The following SLC14A2 variants were observed in gnomAD, a reference collection of about 807,000 sequenced individuals.
The protein encoded by SLC14A2 is solute carrier family 14 member 2.
SLC14A2 carries 91 observed loss-of-function variants against 104.6 expected under a neutral mutation model. That is an observed-to-expected ratio of 0.87 (90% confidence interval 0.73 to 1.04). The LOEUF (loss-of-function observed/expected upper bound fraction) is 1.04. SLC14A2 is among the 50% of genes least tolerant of loss of function. The pLI, the probability that SLC14A2 is intolerant of heterozygous loss-of-function variation, is 0.00. For synonymous variants in SLC14A2, 476 were observed against 466.4 expected (o/e 1.02, Z -0.27); for missense variants, 1,189 against 1,156.0 (o/e 1.03, Z -0.41).
At chr18:45,677,067 GAC>G (rs1311521272) in intron 18 of SLC14A2, among the ~76,000 whole-genome samples, 2 of 152,090 alleles carry the variant, frequency 1.3e-5, no homozygotes, top group Non-Finnish European at 2.9e-5. Context: ...CATCACCTGA[GAC>G]AGACAGTTTT....
At chr18:45,284,897 C>T (rs1414477766) in intron 1 of SLC14A2, among the ~76,000 whole-genome samples, 5 of 152,012 alleles carry the variant, frequency 3.3e-5, no homozygotes, top group Admixed American at 6.5e-5. Flanking sequence ...GAGGCTAGCC[C>T]AGGAAAGACT....
chr18:45,542,419 T>A, intron 2 of SLC14A2: 1 of 152,022 alleles, frequency 6.6e-6, no homozygotes, highest in Non-Finnish European at 1.5e-5. Context: ...AATGGAGAAA[T>A]GAAGAAGTTA....
chr18:45,291,845 C>T (rs186428096), intron 1 of SLC14A2, among the ~76,000 whole-genome samples: 6 of 152,098 alleles, frequency 3.9e-5, no homozygotes, highest in East Asian at 1.9e-4. Context: ...GGGTGGGGAA[C>T]GCTTTGGAGA....
At chr18:45,239,977 A>C (rs1172132308) in intron 1 of SLC14A2, among the ~76,000 whole-genome samples, 1 of 151,872 alleles carries the variant, frequency 6.6e-6, no homozygotes, top group Non-Finnish European at 1.5e-5. Flanking sequence ...AATAATGTTT[A>C]ATTGTGTATC....
intron 2 of SLC14A2, among the ~76,000 whole-genome samples, chr18:45,524,497 G>C (rs1000283025): frequency 6.6e-6 from 1 of 152,154 alleles, no homozygotes; most frequent in Non-Finnish European, 1.5e-5. Context: ...TGAGAGGAAG[G>C]GTTGGACACT....
At chr18:45,651,060 C>T (rs921045881) in intron 10 of SLC14A2, among the ~76,000 whole-genome samples, 1 of 152,104 alleles carries the variant, frequency 6.6e-6, no homozygotes, top group African/African-American at 2.4e-5. Context: ...CTTGTATCCC[C>T]TATCTTTCCA....
intron 2 of SLC14A2, among the ~76,000 whole-genome samples, chr18:45,494,537 A>G (rs890893379): frequency 3.3e-5 from 5 of 152,156 alleles, no homozygotes; most frequent in African/African-American, 1.2e-4. Context: ...AGCTGGGATC[A>G]CAGGCACATG....
intron 1 of SLC14A2, among the ~76,000 whole-genome samples, chr18:45,324,980 A>G (rs949078618): frequency 1.3e-5 from 2 of 152,158 alleles, no homozygotes; most frequent in Non-Finnish European, 1.5e-5. Flanking sequence ...ATTACCAGAC[A>G]TAAGGTCATC....
In SLC14A2 at chr18:45,260,776, G is replaced by T. The variant is rs1407647171; in HGVS notation, c.-125+47585G>T. Among the ~76,000 whole-genome samples the T allele has an allele frequency of 4.6e-5, 7 of 152,054 alleles. No homozygotes were observed. The South Asian group carries it at 1.5e-3, about 32-fold the overall frequency. On this transcript the variant is annotated intron_variant, in intron 1 of 20. Coordinates refer to the SLC14A2 transcript ENST00000586448. ...TCAACAATGTACTGGCATTTACTGG[G>T]AGCTAAACATTGAATACACATGGTC... is the stretch of plus-strand genomic sequence containing the variant.
At chr18:45,472,532 C>T (rs2087270709) in intron 1 of SLC14A2, among the ~76,000 whole-genome samples, 1 of 152,214 alleles carries the variant, frequency 6.6e-6, no homozygotes, top group African/African-American at 2.4e-5. Context: ...TCCTCTCCAG[C>T]ATCTGTTGTT....
At chr18:45,172,171 C>T in the SLC14A2 span, among the ~76,000 whole-genome samples, 3 of 152,280 alleles carry the variant, frequency 2.0e-5, no homozygotes, top group African/African-American at 7.2e-5. Flanking sequence ...CACAGGGACC[C>T]TTGCACCAAC....
intron 2 of SLC14A2, among the ~76,000 whole-genome samples, chr18:45,513,064 T>C (rs1017428290): frequency 3.3e-5 from 5 of 152,200 alleles, no homozygotes; most frequent in African/African-American, 1.2e-4. Flanking sequence ...TACCCTATTC[T>C]GTGGCTGCAC....
At chr18:45,422,810 C>T (rs1381012085) in intron 1 of SLC14A2, among the ~76,000 whole-genome samples, 3 of 152,194 alleles carry the variant, frequency 2.0e-5, no homozygotes, top group Admixed American at 2.0e-4. Flanking sequence ...TCCTCATCTC[C>T]TTCTTGTCCT....
At chr18:45,486,251 A>AT (rs1231680241) in intron 2 of SLC14A2, among the ~76,000 whole-genome samples, 1 of 152,138 alleles carries the variant, frequency 6.6e-6, no homozygotes, top group Non-Finnish European at 1.5e-5. Flanking sequence ...CTTTTATCCC[A>AT]TTTTAGCATC....
At chr18:45,190,660 G>C in the SLC14A2 span, among the ~76,000 whole-genome samples, 1 of 152,178 alleles carries the variant, frequency 6.6e-6, no homozygotes, top group African/African-American at 2.4e-5. Context: ...GTGAGAACCA[G>C]ACACATTTCT....
intron 1 of SLC14A2, among the ~76,000 whole-genome samples, chr18:45,408,097 T>C (rs1193208427): frequency 1.3e-5 from 2 of 152,190 alleles, no homozygotes; most frequent in Non-Finnish European, 2.9e-5. Context: ...AAGGTATGCC[T>C]GTAATACCTA....
At chr18:45,451,453 T>TG (rs147890131) in intron 1 of SLC14A2, among the ~76,000 whole-genome samples, 5,324 of 152,214 alleles carry the variant, frequency 0.035, 313 homozygotes, top group African/African-American at 0.12. Flanking sequence ...ATCTGATCCT[T>TG]GGGAGAGTTC....
At chr18:45,309,393 T>C (rs2085055673) in intron 1 of SLC14A2, among the ~76,000 whole-genome samples, 3 of 151,812 alleles carry the variant, frequency 2.0e-5, no homozygotes, top group Admixed American at 1.3e-4. Flanking sequence ...GGTGCAATCA[T>C]AGCCAACTAC....
intron 10 of SLC14A2, among the ~76,000 whole-genome samples, chr18:45,656,106 T>C (rs955778667): frequency 1.3e-5 from 2 of 152,360 alleles, no homozygotes; most frequent in South Asian, 4.1e-4. Context: ...ATACTTTTTA[T>C]GTGCATTGTA....
Sources: gnomAD v4.1 joint callset for allele counts (sites outside exome capture counted in the v4.1 genomes callset) on GRCh38, gnomAD v4.1.1 for gene constraint, MANE v1.5 for transcripts, NCBI Gene and HGNC (gene_info 2026-07-23, HGNC 2026-07-21) for gene names.